USH2A: variants seen among roughly 807,000 people sequenced by gnomAD.
The protein encoded by USH2A is usherin.
In USH2A, 443 loss-of-function variants were observed where a neutral mutation model predicts 538.9. The ratio of observed to expected loss-of-function variants is 0.82; its 90% CI spans 0.76 to 0.89. The LOEUF (loss-of-function observed/expected upper bound fraction) is 0.89, where lower values mean the gene tolerates loss of function less well. USH2A is among the 40% of genes least tolerant of loss of function. The pLI is 0.00. For missense variants in USH2A, 6,633 were observed against 6,324.8 expected (o/e 1.05, Z -1.65); for synonymous variants, 2,413 against 2,273.5 (o/e 1.06, Z -1.75).
chr1:216,051,382 C>G (rs1450521050), intron 30 of USH2A, among the ~76,000 whole-genome samples: 1 of 152,180 alleles, frequency 6.6e-6, no homozygotes, highest in East Asian at 1.9e-4. Flanking sequence ...ACCCAAATTC[C>G]AGGCTCAAAA....
At chr1:215,683,648 A>T (rs1156695283) in intron 61 of USH2A, among the ~76,000 whole-genome samples, 1 of 152,184 alleles carries the variant, frequency 6.6e-6, no homozygotes, top group Non-Finnish European at 1.5e-5. Flanking sequence ...AACTAGGAAA[A>T]GTCATCACTA....
intron 62 of USH2A, 32 bp from the exon 63 acceptor site, chr1:215,675,648 T>C: frequency 6.2e-7 from 1 of 1,613,986 alleles, no homozygotes; most frequent in Non-Finnish European, 8.5e-7. Context: ...AGGGATAACT[T>C]GCAGCATACA....
chr1:216,309,467 T>C (rs1233702604), intron 9 of USH2A, among the ~76,000 whole-genome samples: 1 of 152,150 alleles, frequency 6.6e-6, no homozygotes, highest in Non-Finnish European at 1.5e-5. Context: ...TTTAGATTTG[T>C]TGTGATTGTT....
intron 4 of USH2A, among the ~76,000 whole-genome samples, chr1:216,346,816 T>A (rs2038184101): frequency 6.6e-6 from 1 of 151,888 alleles, no homozygotes; most frequent in African/African-American, 2.4e-5. Context: ...GTAATCCAGT[T>A]AAGAAACCGA....
chr1:216,233,941 T>C (rs2035754656), intron 13 of USH2A, among the ~76,000 whole-genome samples: 1 of 152,110 alleles, frequency 6.6e-6, no homozygotes, highest in African/African-American at 2.4e-5. Flanking sequence ...TGCAAAATGC[T>C]GCAAAGAATT....
At chr1:215,651,483 G>C (rs550694471) in intron 64 of USH2A, among the ~76,000 whole-genome samples, 1 of 152,168 alleles carries the variant, frequency 6.6e-6, no homozygotes, top group Admixed American at 6.5e-5. Context: ...CTGTCTGCGT[G>C]TTTAGGAGTA....
intron 30 of USH2A, among the ~76,000 whole-genome samples, chr1:216,059,860 G>C (rs569866764): frequency 6.6e-6 from 1 of 152,262 alleles, no homozygotes; most frequent in East Asian, 1.9e-4. Context: ...GTGGGAGGGG[G>C]CTGGTTGGAA....
At chr1:216,381,844 G>T (rs923453567) in intron 3 of USH2A, among the ~76,000 whole-genome samples, 5 of 152,140 alleles carry the variant, frequency 3.3e-5, no homozygotes, top group Non-Finnish European at 7.3e-5. Context: ...CCCAAGTCTC[G>T]CAGTTAGCCT....
intron 3 of USH2A, among the ~76,000 whole-genome samples, chr1:216,416,620 G>A (rs1439094591): frequency 6.6e-6 from 1 of 152,086 alleles, no homozygotes; most frequent in African/African-American, 2.4e-5. Context: ...ACTAGTAAAT[G>A]ACTCATATTT....
At chr1:215,749,854 T>C (rs191251736) in intron 58 of USH2A, among the ~76,000 whole-genome samples, 28 of 152,332 alleles carry the variant, frequency 1.8e-4, no homozygotes, top group Admixed American at 3.3e-4. Context: ...TTGGTTAATA[T>C]TCCTTGCAAT....
rs115665696 is a variant in USH2A, at chr1:215,887,221, C to T, written c.8223+1205G>A. On this transcript the variant is annotated intron_variant, in intron 41 of 71. Transcript: ENST00000307340. ...AACGCCTAGTTATAAGATTTTTATT[C>T]GAAATAATCCAGAACAATGTCCATT... Among the ~76,000 whole-genome samples, 1,390 of 152,042 alleles carry T rather than the reference C, an allele frequency of 9.1e-3. 18 individuals carry two copies. The highest frequency in any genetic ancestry group is 9.9e-3 in the Non-Finnish European group (676 of 68,000).
At chr1:216,077,953 A>G in intron 27 of USH2A, 136 bp downstream of exon 27, 1 of 1,108,826 alleles carries the variant, frequency 9.0e-7, no homozygotes, top group Admixed American at 2.0e-5. Flanking sequence ...TAAGGTTTAA[A>G]TTTCTCCAGA....
chr1:216,364,443 T>C (rs989146051), intron 4 of USH2A, among the ~76,000 whole-genome samples: 1 of 152,202 alleles, frequency 6.6e-6, no homozygotes, highest in African/African-American at 2.4e-5. Flanking sequence ...AAAAGATCTA[T>C]TATCCATCTG....
chr1:215,663,941 G>T (rs936307641), intron 64 of USH2A, among the ~76,000 whole-genome samples: 1 of 152,106 alleles, frequency 6.6e-6, no homozygotes, highest in Non-Finnish European at 1.5e-5. Context: ...CCTGGTGAAA[G>T]TGTGCAGAAT....
intron 14 of USH2A, among the ~76,000 whole-genome samples, chr1:216,227,549 C>A (rs1364995294): frequency 6.6e-6 from 1 of 151,890 alleles, no homozygotes; most frequent in Non-Finnish European, 1.5e-5. Context: ...AATGGAGGAA[C>A]AAGAGTAGGA....
At chr1:215,657,443 G>C (rs982456199) in intron 64 of USH2A, among the ~76,000 whole-genome samples, 2 of 152,308 alleles carry the variant, frequency 1.3e-5, no homozygotes, top group East Asian at 1.9e-4. Flanking sequence ...AGCCCTGCAG[G>C]CTCCAGTTAT....
chr1:216,213,757 C>T (rs901275619), intron 15 of USH2A, among the ~76,000 whole-genome samples: 2 of 151,390 alleles, frequency 1.3e-5, no homozygotes, highest in African/African-American at 4.8e-5. Context: ...AAAGTAAAAG[C>T]TTTTGCTTTT....
chr1:215,656,472 C>T (rs1275297266), intron 64 of USH2A, among the ~76,000 whole-genome samples: 2 of 152,212 alleles, frequency 1.3e-5, no homozygotes, highest in Admixed American at 6.5e-5. Flanking sequence ...TTTGGTCTTA[C>T]ATTTGCTATT....
intron 50 of USH2A, among the ~76,000 whole-genome samples, chr1:215,797,697 C>A (rs1662186004): frequency 6.6e-6 from 1 of 152,068 alleles, no homozygotes; most frequent in South Asian, 2.1e-4. Flanking sequence ...TTGAGACCTA[C>A]TGCTCAGAAA....
Sources: gnomAD v4.1 joint callset for allele counts (sites outside exome capture counted in the v4.1 genomes callset) on GRCh38, gnomAD v4.1.1 for gene constraint, MANE v1.5 for transcripts, NCBI Gene and HGNC (gene_info 2026-07-23, HGNC 2026-07-21) for gene names.